Variants in SLC22A7 observed in about 807,000 individuals in gnomAD.
SLC22A7 encodes the protein solute carrier family 22 member 7.
A neutral mutation model predicts 62.2 loss-of-function variants in SLC22A7; 48 were observed. The ratio of observed to expected loss-of-function variants is 0.77; its 90% CI spans 0.61 to 0.98. The LOEUF is 0.98. Among genes scored for constraint, SLC22A7 ranks in the 50% least tolerant of loss-of-function variants. SLC22A7 has a pLI of 0.00. For synonymous variants in SLC22A7, 276 were observed against 314.8 expected, an observed-to-expected ratio of 0.88 and a Z score of 1.30; for missense variants, 581 against 703.8, an observed-to-expected ratio of 0.83 and a Z score of 1.97.
chr6:43,302,401 G>C lies in SLC22A7; in HGVS notation c.1263G>C (p.Leu421=), dbSNP rs754012151. ...CGGCCCTGGCGTTCGGCACTAGACT[G>C]CTAGTGTCCTCCGGTGAGCCCAGTC... The part of the protein sequence containing the change: ...LGTALAFGTR[L]LVSSDMKSWS... The change falls in exon 8 of 11, where the codon CTG becomes CTC. Residue 421 remains leucine, a synonymous_variant. Transcript: ENST00000372585. This position sits in a 1 kb window ranked among gnomAD's most constrained non-coding sequence, Gnocchi z 5.0. 2 of 1,596,416 alleles carry C rather than the reference G, an allele frequency of 1.3e-6. No individual in the cohort carries two copies. Among genetic ancestry groups the C allele is most frequent in the African/African-American group, 2.7e-5 (2 of 74,594 alleles).
At chr6:43,303,315 C>T (rs994202902) in intron 9 of SLC22A7, 1 of 226,798 alleles carries the variant, frequency 4.4e-6, no homozygotes, top group African/African-American at 2.3e-5. Context: ...ACAAAATTAG[C>T]TGGGTGTGGT....
upstream of SLC22A7, among the ~76,000 whole-genome samples, chr6:43,296,985 G>A (rs573739167): frequency 2.6e-5 from 4 of 152,246 alleles, no homozygotes; most frequent in South Asian, 8.3e-4. Flanking sequence ...TAGGGACCGT[G>A]TCTGAGGCAT....
At chr6:43,304,291 G>T in intron 10 of SLC22A7, 47 bp downstream of exon 10, 1 of 1,409,342 alleles carries the variant, frequency 7.1e-7, no homozygotes, top group Non-Finnish European at 9.4e-7. Flanking sequence ...ACATGCATAT[G>T]GATGCAGGTG....
rs1324856914 is a variant in SLC22A7, at chr6:43,302,635, C to G, written c.1277-20C>G. The G allele has an allele frequency of 6.4e-7, 1 of 1,568,564 alleles. No homozygotes were observed. The highest frequency in any genetic ancestry group is 2.3e-5 in the East Asian group (1 of 44,208). Reference sequence around the variant, plus strand: ...CTCTCCTCCAAGGCCCTCTCACTACCTGAACCCGCTTCCCTCCAGATATGA... The same window carrying G: ...CTCTCCTCCAAGGCCCTCTCACTACGTGAACCCGCTTCCCTCCAGATATGA... On this transcript the variant is annotated intron_variant, in intron 8 of 10. Transcript: ENST00000372585. This position sits in a 1 kb window ranked among gnomAD's most constrained non-coding sequence, Gnocchi z 5.0.
chr6:43,304,100 C>T lies in SLC22A7; in HGVS notation c.1448C>T (p.Ala483Val), dbSNP rs754571458. The T allele has an allele frequency of 2.0e-5, 32 of 1,599,648 alleles. No individual in the cohort carries two copies. Among genetic ancestry groups the T allele is most frequent in the Middle Eastern group, 3.3e-4 (2 of 6,046 alleles). ...GRLGGSLAPL[A>V]ALLDGVWLSL... ...CTGGGGGGCTCTTTGGCCCCACTGGCGGCCTTGCTGGATGGAGTGTGGCTG... is the reference window on the plus strand; with the variant it reads ...CTGGGGGGCTCTTTGGCCCCACTGGTGGCCTTGCTGGATGGAGTGTGGCTG... Residue 483 changes from alanine to valine, a missense_variant, in exon 10 of 11, where the codon GCG becomes GTG. By Grantham distance (64) the Ala-to-Val change is moderately conservative (BLOSUM62 0). Coordinates refer to ENST00000372585, the MANE Select transcript of SLC22A7 (RefSeq NM_153320.2).
Position 43,299,577 on chromosome 6 carries a change from C to T in SLC22A7, c.504-50C>T. ...GGGGTATGAGCCTAGTCTACCTATG[C>T]CTTAGAACCTCCTTCCACAGGGAAC... On this transcript the variant is annotated intron_variant, in intron 3 of 10. Transcript: ENST00000372585. The surrounding 1 kb of genome is among the most constrained non-coding windows in gnomAD (Gnocchi z 4.4). 2 of 1,613,404 alleles carry T rather than the reference C, an allele frequency of 1.2e-6. No homozygotes were observed. The highest frequency in any genetic ancestry group is 1.7e-6 in the Non-Finnish European group (2 of 1,179,504).
In SLC22A7 at chr6:43,299,816, G is replaced by A; in HGVS notation, c.658+35G>A. ...GCAAGAAACAGGCAGGACCTAGAGG[G>A]CTGGAAGAAGGCAGTTGTCAGAGTG... On this transcript the variant is annotated intron_variant, in intron 4 of 10. Transcript: ENST00000372585. The surrounding 1 kb of genome is among the most constrained non-coding windows in gnomAD (Gnocchi z 4.4). 1 of 1,614,224 alleles carries A rather than the reference G, an allele frequency of 6.2e-7. No individual in the cohort carries two copies. Among genetic ancestry groups the A allele is most frequent in the Non-Finnish European group, 8.5e-7 (1 of 1,180,030 alleles).
chr6:43,303,621 G>C (rs938639696), intron 9 of SLC22A7, among the ~76,000 whole-genome samples: 2 of 152,072 alleles, frequency 1.3e-5, no homozygotes, highest in Non-Finnish European at 1.5e-5. Context: ...CCCGGGGTTG[G>C]GGGGGTCTTT....
At chr6:43,303,765 C>T (rs1402571116) in intron 9 of SLC22A7, among the ~76,000 whole-genome samples, 1 of 152,198 alleles carries the variant, frequency 6.6e-6, no homozygotes, top group Non-Finnish European at 1.5e-5. Flanking sequence ...TCACCCTTTC[C>T]TTATCTCCCA....
At chr6:43,301,488 T>C (rs1012559171) in intron 6 of SLC22A7, 95 bp from the exon 7 acceptor site, 9 of 1,095,158 alleles carry the variant, frequency 8.2e-6, no homozygotes, top group African/African-American at 1.5e-5. Context: ...CCACTGCAGA[T>C]GGGAGGAATA....
chr6:43,301,337 G>A, intron 6 of SLC22A7, 79 bp downstream of exon 6: 6 of 1,585,904 alleles, frequency 3.8e-6, no homozygotes, highest in Non-Finnish European at 5.2e-6. Context: ...CCCTCCCAGA[G>A]CCCACCATAT....
At position 43,299,274 on chromosome 6, in the gene SLC22A7, G is replaced by C. The variant is rs756825448; in HGVS notation, c.400-116G>C. 1.2e-6 allele frequency: 2 copies of C among 1,603,084 alleles called. No homozygotes were observed. Among genetic ancestry groups the C allele is most frequent in the Non-Finnish European group, 8.5e-7 (1 of 1,174,340 alleles). Reference sequence around the variant, plus strand: ...TGGGAGGTTTATTATCTGGCATGGAGGTACCAGAATGGCAGAGTTCGCCTC... The same window carrying C: ...TGGGAGGTTTATTATCTGGCATGGACGTACCAGAATGGCAGAGTTCGCCTC... On this transcript the variant is annotated intron_variant, in intron 2 of 10. Coordinates refer to ENST00000372585, the MANE Select transcript of SLC22A7 (RefSeq NM_153320.2). The surrounding 1 kb of genome is among the most constrained non-coding windows in gnomAD (Gnocchi z 4.4).
At chr6:43,301,032 C>A in intron 5 of SLC22A7, 103 bp from the exon 6 acceptor site, 1 of 1,439,152 alleles carries the variant, frequency 6.9e-7, no homozygotes. Flanking sequence ...GCTAAGGGGA[C>A]TACATGAGCA....
rs868014553 is a variant in SLC22A7, at chr6:43,302,587, C to A, written c.1277-68C>A. On this transcript the variant is annotated intron_variant, in intron 8 of 10. Transcript: ENST00000372585. The surrounding 1 kb of genome is among the most constrained non-coding windows in gnomAD (Gnocchi z 5.0). ...AGTTTGGCCCACTCTGGAGACTCCG[C>A]ACCCTATCCAGAACACCCCTGGCTC... is the stretch of plus-strand genomic sequence containing the variant. The A allele has an allele frequency of 1.5e-6, 2 of 1,301,226 alleles. No individual in the cohort carries two copies. The highest frequency in any genetic ancestry group is 2.0e-5 in the Admixed American group (1 of 50,294). 80.6% of individuals were successfully genotyped at this position (1,301,226 alleles called of 1,614,324 possible). A position where few individuals can be genotyped will look rare whatever the true frequency, so the allele number is the denominator to read the frequency against.
upstream of SLC22A7, among the ~76,000 whole-genome samples, chr6:43,296,298 C>G (rs1370574869): frequency 6.6e-6 from 1 of 152,230 alleles, no homozygotes; most frequent in Non-Finnish European, 1.5e-5. Flanking sequence ...GATATTAAAG[C>G]AGGAGAGAAA....
At chr6:43,303,838 T>C (rs1778845124) in intron 9 of SLC22A7, among the ~76,000 whole-genome samples, 200 bp from the exon 10 acceptor site, 1 of 152,214 alleles carries the variant, frequency 6.6e-6, no homozygotes, top group Non-Finnish European at 1.5e-5. Context: ...ATGGGGGCCC[T>C]GTCCTCTGGT....
In SLC22A7 at chr6:43,302,657, A is replaced by G. The variant is rs759731859; in HGVS notation, c.1279A>G (p.Met427Val). 6.3e-7 allele frequency: 1 copy of G among 1,597,634 alleles called. No homozygotes were observed. Among genetic ancestry groups the G allele is most frequent in the Non-Finnish European group, 8.6e-7 (1 of 1,169,294 alleles). ...FGTRLLVSSD[M>V]KSWSTVLAVM... is the part of the protein sequence containing the mutation. ...TACCTGAACCCGCTTCCCTCCAGATATGAAGTCCTGGAGCACTGTCCTGGC... is the reference window on the plus strand; with the variant it reads ...TACCTGAACCCGCTTCCCTCCAGATGTGAAGTCCTGGAGCACTGTCCTGGC... The change falls in exon 9 of 11, where the codon ATG becomes GTG. Residue 427 changes from methionine to valine, a missense_variant and splice_region_variant. Physicochemically the swap from Met to Val is conservative, Grantham distance 21 (BLOSUM62 1). Coordinates refer to ENST00000372585, the MANE Select transcript of SLC22A7 (RefSeq NM_153320.2). This position sits in a 1 kb window ranked among gnomAD's most constrained non-coding sequence, Gnocchi z 5.0.
At chr6:43,298,789 A>G in intron 1 of SLC22A7, 38 bp downstream of exon 1, 1 of 1,515,968 alleles carries the variant, frequency 6.6e-7, no homozygotes, top group Non-Finnish European at 8.8e-7. Flanking sequence ...TGTGAGAGGG[A>G]TGGGCCTGCC....
rs1778881342 is a variant in SLC22A7, at chr6:43,304,717, C to T, written c.1639C>T (p.Gln547Ter). ...GGAAGAGATGCCCATGAAGCAGGTC[C>T]AGAACTAAGTGGGAGTGGAGGCAGG... ...QEEEMPMKQV[Q>*]N The change falls in exon 11 of 11, where the codon CAG becomes TAG. Residue 547 changes from glutamine (Q) to a stop codon, truncating the protein, a stop_gained. Coordinates refer to ENST00000372585, the MANE Select transcript of SLC22A7 (RefSeq NM_153320.2). LOFTEE classifies it high-confidence loss of function. 1 of 1,587,182 alleles carries T rather than the reference C, an allele frequency of 6.3e-7. No homozygotes were observed. The highest frequency in any genetic ancestry group is 8.6e-7 in the Non-Finnish European group (1 of 1,162,784).
Sources: allele counts gnomAD v4.1 joint callset (sites outside exome capture counted in the v4.1 genomes callset), GRCh38; gene constraint gnomAD v4.1.1; non-coding constraint Gnocchi (gnomAD v3.1); transcripts MANE v1.5; gene names NCBI Gene and HGNC (gene_info 2026-07-23, HGNC 2026-07-21).